CNTNAP5: variants seen among roughly 807,000 people sequenced by gnomAD.
CNTNAP5 encodes the protein contactin-associated protein-like 5.
In CNTNAP5, 72 loss-of-function variants were observed where a neutral mutation model predicts 150.2. That is an observed-to-expected ratio of 0.48 (90% CI 0.40 to 0.58). The LOEUF (loss-of-function observed/expected upper bound fraction) is 0.58. Among genes scored for constraint, CNTNAP5 ranks in the 20% least tolerant of loss-of-function variants. CNTNAP5 has a pLI of 0.00. For synonymous variants in CNTNAP5, 672 were observed against 619.8 expected, an observed-to-expected ratio of 1.08 and a Z score of -1.25; for missense variants, 1,636 against 1,626.2, an observed-to-expected ratio of 1.01 and a Z score of -0.10.
chr2:124,123,161 G>C (rs1235809306), intron 1 of CNTNAP5, among the ~76,000 whole-genome samples: 2 of 152,128 alleles, frequency 1.3e-5, no homozygotes, highest in African/African-American at 2.4e-5. Flanking sequence ...CCAAGGGAAG[G>C]CATGACAGAC....
At chr2:124,527,150 A>C in intron 9 of CNTNAP5, 135 bp from the exon 10 acceptor site, 1 of 647,438 alleles carries the variant, frequency 1.5e-6, no homozygotes, top group Non-Finnish European at 2.6e-6. Flanking sequence ...TAGGATTTAT[A>C]ATGAAAAGGG....
intron 1 of CNTNAP5, among the ~76,000 whole-genome samples, chr2:124,029,349 A>G (rs1040628795): frequency 6.6e-6 from 1 of 152,090 alleles, no homozygotes; most frequent in Non-Finnish European, 1.5e-5. Flanking sequence ...TGGCATTTAC[A>G]GTCACCACAA....
At chr2:124,120,276 G>A (rs1163154035) in intron 1 of CNTNAP5, among the ~76,000 whole-genome samples, 2 of 152,202 alleles carry the variant, frequency 1.3e-5, no homozygotes, top group Admixed American at 1.3e-4. Flanking sequence ...AGGCTGAGCT[G>A]CAAAGGATAG....
intron 12 of CNTNAP5, among the ~76,000 whole-genome samples, chr2:124,614,291 G>A (rs199955353): frequency 9.1e-4 from 139 of 152,164 alleles, no homozygotes; most frequent in African/African-American, 3.1e-3. Context: ...AAGTATTACC[G>A]CAAAGGGGTC....
intron 3 of CNTNAP5, among the ~76,000 whole-genome samples, chr2:124,371,430 C>T (rs1254601046): frequency 1.3e-5 from 2 of 151,984 alleles, no homozygotes; most frequent in African/African-American, 2.4e-5. Context: ...CCTAGAAAAC[C>T]TTGTAAGATT....
At chr2:124,140,080 C>A (rs1286809825) in intron 1 of CNTNAP5, among the ~76,000 whole-genome samples, 1 of 151,902 alleles carries the variant, frequency 6.6e-6, no homozygotes, top group Non-Finnish European at 1.5e-5. Flanking sequence ...GCTTTTCAGA[C>A]CGGCTTAAAA....
intron 21 of CNTNAP5, among the ~76,000 whole-genome samples, chr2:124,892,150 G>A (rs1160938182): frequency 6.6e-6 from 1 of 152,050 alleles, no homozygotes; most frequent in East Asian, 1.9e-4. Flanking sequence ...AATAAACTCT[G>A]ATTTTCTTTG....
intron 3 of CNTNAP5, among the ~76,000 whole-genome samples, chr2:124,357,504 C>T (rs1388343773): frequency 6.6e-6 from 1 of 151,980 alleles, no homozygotes; most frequent in Non-Finnish European, 1.5e-5. Flanking sequence ...GGAAGGGATC[C>T]AGTTTCAGCT....
chr2:124,244,578 T>C (rs757880393), intron 3 of CNTNAP5, among the ~76,000 whole-genome samples: 3 of 151,994 alleles, frequency 2.0e-5, no homozygotes, highest in Non-Finnish European at 2.9e-5. Flanking sequence ...TGCAGGGCAA[T>C]TGGGAGAGAG....
intron 6 of CNTNAP5, among the ~76,000 whole-genome samples, chr2:124,458,851 G>T (rs1280542449): frequency 1.3e-5 from 2 of 152,024 alleles, no homozygotes; most frequent in African/African-American, 2.4e-5. Context: ...AATAAAAAAA[G>T]AAATGCTAAT....
intron 19 of CNTNAP5, among the ~76,000 whole-genome samples, chr2:124,805,505 G>A (rs1682063385): frequency 6.6e-6 from 1 of 152,132 alleles, no homozygotes; most frequent in African/African-American, 2.4e-5. Flanking sequence ...TGGGCAGCAT[G>A]TGCCAGCATC....
At chr2:124,054,294 G>C (rs1282257520) in intron 1 of CNTNAP5, among the ~76,000 whole-genome samples, 1 of 152,176 alleles carries the variant, frequency 6.6e-6, no homozygotes, top group Non-Finnish European at 1.5e-5. Context: ...GGGCATTTGG[G>C]CAGTGGGAAA....
chr2:124,705,561 C>A (rs541462325), intron 13 of CNTNAP5, among the ~76,000 whole-genome samples: 3 of 151,930 alleles, frequency 2.0e-5, no homozygotes, highest in Admixed American at 1.3e-4. Context: ...ATAAACAAAT[C>A]CAATGCTTAC....
At chr2:124,420,749 G>A (rs1692082327) in intron 4 of CNTNAP5, among the ~76,000 whole-genome samples, 1 of 152,156 alleles carries the variant, frequency 6.6e-6, no homozygotes, top group Admixed American at 6.5e-5. Flanking sequence ...CTTCCTGAGA[G>A]TTTCCAGCTT....
At chr2:124,831,602 C>A (rs1451377403) in intron 19 of CNTNAP5, among the ~76,000 whole-genome samples, 1 of 150,566 alleles carries the variant, frequency 6.6e-6, no homozygotes, top group Admixed American at 6.6e-5. Context: ...TAGTCAAAAT[C>A]TAGGAAGCAA....
intron 11 of CNTNAP5, among the ~76,000 whole-genome samples, chr2:124,572,214 G>A (rs917613440): frequency 2.6e-5 from 4 of 152,088 alleles, no homozygotes; most frequent in Admixed American, 6.5e-5. Flanking sequence ...GCCTGTAAGG[G>A]GGAATGCTTC....
intron 11 of CNTNAP5, among the ~76,000 whole-genome samples, chr2:124,581,720 C>T (rs1375350191): frequency 6.6e-6 from 1 of 152,158 alleles, no homozygotes; most frequent in African/African-American, 2.4e-5. Context: ...AGAGATGAAC[C>T]AGTGTCCTGA....
intron 17 of CNTNAP5, among the ~76,000 whole-genome samples, chr2:124,786,390 AGAAAGAAAGAAGGAAG>A (rs1378717802): frequency 2.1e-3 from 157 of 74,678 alleles, no homozygotes; most frequent in Non-Finnish European, 2.5e-3. Context: ...AAAGAAAGAA[AGAAAGAAAGAAGGAAG>A]GAAGGAAGGA....
At chr2:124,115,711 C>T (rs568765067) in intron 1 of CNTNAP5, among the ~76,000 whole-genome samples, 3 of 137,308 alleles carry the variant, frequency 2.2e-5, no homozygotes, top group South Asian at 2.4e-4. Flanking sequence ...TGAGGTGGTA[C>T]GATCAAGGCT....
Sources: allele counts gnomAD v4.1 joint callset (sites outside exome capture counted in the v4.1 genomes callset), GRCh38; gene constraint gnomAD v4.1.1; transcripts MANE v1.5; gene names NCBI Gene and HGNC (gene_info 2026-07-23, HGNC 2026-07-21).